ADGRL3: variants seen among roughly 807,000 people sequenced by gnomAD.
The protein encoded by ADGRL3 is calcium-independent alpha-latrotoxin receptor 3.
ADGRL3 carries 62 observed loss-of-function variants against 153.5 expected under a neutral mutation model. That is an observed-to-expected ratio of 0.40 (90% confidence interval 0.33 to 0.50). The LOEUF is 0.50. Ranked by LOEUF, ADGRL3 falls within the 20% of genes least tolerant of loss-of-function variation. The probability of loss-of-function intolerance (pLI) is 0.47; values close to 1 mark genes in which losing one functional copy is unlikely to be tolerated. For missense variants in ADGRL3, 1,641 were observed against 1,859.4 expected (o/e 0.88, Z 2.16); for synonymous variants, 710 against 672.5 (o/e 1.06, Z -0.86).
At chr4:61,366,139 T>TA (rs36091543) in intron 1 of ADGRL3, among the ~76,000 whole-genome samples, 54,015 of 151,794 alleles carry the variant, frequency 0.36, 10,237 homozygotes, top group Non-Finnish European at 0.43. Context: ...ATATTTTCTT[T>TA]AAAAAAAAGA....
At chr4:61,456,162 T>C (rs1463636473) in intron 2 of ADGRL3, among the ~76,000 whole-genome samples, 1 of 151,766 alleles carries the variant, frequency 6.6e-6, no homozygotes, top group Non-Finnish European at 1.5e-5. Flanking sequence ...TGTGAAATTA[T>C]GAAGCCTATT....
chr4:61,584,867 T>G (rs1387652975), intron 4 of ADGRL3, among the ~76,000 whole-genome samples: 2 of 151,992 alleles, frequency 1.3e-5, no homozygotes, highest in African/African-American at 4.8e-5. Context: ...AATACACTTA[T>G]GAAAATGTCT....
chr4:61,646,605 G>C (rs537620991), intron 5 of ADGRL3, among the ~76,000 whole-genome samples: 1 of 151,698 alleles, frequency 6.6e-6, no homozygotes, highest in African/African-American at 2.4e-5. Context: ...CAGGGGTCAG[G>C]GACCCACTTG....
chr4:61,415,940 T>G (rs1305730189), intron 2 of ADGRL3, among the ~76,000 whole-genome samples: 1 of 152,078 alleles, frequency 6.6e-6, no homozygotes, highest in African/African-American at 2.4e-5. Context: ...GTTTTTTCCA[T>G]AAAACATTGC....
At chr4:61,799,169 A>G (rs2097457648) in intron 8 of ADGRL3, among the ~76,000 whole-genome samples, 1 of 151,400 alleles carries the variant, frequency 6.6e-6, no homozygotes, top group Non-Finnish European at 1.5e-5. Context: ...ATCCTTTACT[A>G]TGTTCTTTAG....
At chr4:61,891,048 T>C (rs918556359) in intron 9 of ADGRL3, among the ~76,000 whole-genome samples, 1 of 152,160 alleles carries the variant, frequency 6.6e-6, no homozygotes, top group Non-Finnish European at 1.5e-5. Context: ...TATGTTGGGA[T>C]TGTGTTATAT....
intron 6 of ADGRL3, among the ~76,000 whole-genome samples, chr4:61,694,176 ATTATTTTTTTTTTT>A (rs2095594242): frequency 1.1e-5 from 1 of 94,702 alleles, no homozygotes; most frequent in African/African-American, 3.7e-5. Context: ...AAATTTTGTC[ATTATTTTTTTTTTT>A]TTTTTTTTTT....
chr4:61,299,184 C>G (rs1233277083), intron 1 of ADGRL3, among the ~76,000 whole-genome samples: 1 of 151,846 alleles, frequency 6.6e-6, no homozygotes, highest in African/African-American at 2.4e-5. Context: ...ATGTGTCTTT[C>G]TTAGATTTCA....
At chr4:61,456,537 G>T (rs1226356483) in intron 2 of ADGRL3, among the ~76,000 whole-genome samples, 1 of 144,822 alleles carries the variant, frequency 6.9e-6, no homozygotes, top group African/African-American at 2.6e-5. Context: ...CACACTAAAG[G>T]TGCTCAGTGA....
intron 4 of ADGRL3, among the ~76,000 whole-genome samples, chr4:61,522,431 T>A (rs138452431): frequency 6.6e-6 from 1 of 152,288 alleles, no homozygotes; most frequent in African/African-American, 2.4e-5. Context: ...ATGTTCTCAT[T>A]GATTAAGACT....
chr4:61,539,200 T>C (rs1352245762), intron 4 of ADGRL3, among the ~76,000 whole-genome samples: 1 of 152,172 alleles, frequency 6.6e-6, no homozygotes, highest in Non-Finnish European at 1.5e-5. Flanking sequence ...ACCTGTGCAG[T>C]GCTAGCTTAC....
At position 61,995,209 on chromosome 4, in the gene ADGRL3, C is replaced by CTT. The variant is rs35822057; in HGVS notation, c.3237-1072_3237-1071dup. ...GTGAGACACCACACCCAGCCCCCAACTTTTTTTTTTTAATCCTATTGACAT... is the reference window on the plus strand; with the variant it reads ...GTGAGACACCACACCCAGCCCCCAACTTTTTTTTTTTTTAATCCTATTGACAT... On this transcript the variant is annotated intron_variant, in intron 19 of 26. Transcript: ENST00000683033. Among the ~76,000 whole-genome samples, 8 of 148,138 alleles carry CTT rather than the reference C, an allele frequency of 5.4e-5. No homozygotes were observed. The East Asian group carries it at 5.9e-4, about 11-fold the overall frequency.
chr4:61,643,187 G>A (rs1484128860), intron 5 of ADGRL3, among the ~76,000 whole-genome samples: 2 of 151,958 alleles, frequency 1.3e-5, no homozygotes, highest in African/African-American at 4.8e-5. Flanking sequence ...GGAGATTTTG[G>A]GCTGAGACAA....
At chr4:61,845,206 C>A (rs1468390437) in intron 9 of ADGRL3, among the ~76,000 whole-genome samples, 1 of 152,032 alleles carries the variant, frequency 6.6e-6, no homozygotes, top group African/African-American at 2.4e-5. Context: ...TGCCCCCTCA[C>A]CTTTTCTTTT....
At chr4:61,280,517 T>C (rs1454597694) in intron 1 of ADGRL3, among the ~76,000 whole-genome samples, 1 of 152,126 alleles carries the variant, frequency 6.6e-6, no homozygotes, top group Non-Finnish European at 1.5e-5. Flanking sequence ...GTACACCATG[T>C]TGTTTTTGGA....
At chr4:61,799,742 C>A (rs967492053) in intron 8 of ADGRL3, among the ~76,000 whole-genome samples, 3 of 152,230 alleles carry the variant, frequency 2.0e-5, no homozygotes, top group African/African-American at 7.2e-5. Flanking sequence ...ATTTGATTAA[C>A]CATGCTAGTA....
At chr4:61,895,919 G>T (rs894667656) in intron 11 of ADGRL3, 85 bp downstream of exon 11, 7 of 679,338 alleles carry the variant, frequency 1.0e-5, no homozygotes, top group Non-Finnish European at 1.7e-5. Flanking sequence ...AAACAGTCAA[G>T]AATTCTTTTA....
At chr4:61,313,876 C>G (rs2095105915) in intron 1 of ADGRL3, among the ~76,000 whole-genome samples, 1 of 152,104 alleles carries the variant, frequency 6.6e-6, no homozygotes, top group African/African-American at 2.4e-5. Context: ...AGGACACCAT[C>G]CCATCGCAGG....
intron 19 of ADGRL3, 43 bp downstream of exon 19, chr4:61,983,646 A>G (rs2099075871): frequency 1.0e-5 from 16 of 1,570,488 alleles, no homozygotes; most frequent in Non-Finnish European, 1.2e-5. Context: ...AGGTGAAATA[A>G]AAGTGTTGGA....
Sources: allele counts gnomAD v4.1 joint callset (sites outside exome capture counted in the v4.1 genomes callset), GRCh38; gene constraint gnomAD v4.1.1; transcripts MANE v1.5; gene names NCBI Gene and HGNC (gene_info 2026-07-23, HGNC 2026-07-21).